A4GALT: variants seen among roughly 807,000 people sequenced by gnomAD.
A4GALT encodes alpha 1,4-galactosyltransferase (P1PK blood group).
For missense variants in A4GALT, 512 were observed against 486.0 expected, an observed-to-expected ratio of 1.05 and a Z score of -0.50; for synonymous variants, 257 against 220.7, an observed-to-expected ratio of 1.16 and a Z score of -1.46.
At chr22:42,701,789 G>A (rs532924943) in intron 1 of A4GALT, among the ~76,000 whole-genome samples, 2 of 152,228 alleles carry the variant, frequency 1.3e-5, no homozygotes, top group Admixed American at 1.3e-4. Context: ...GCTTCCCATG[G>A]GGTCACTAGG....
At position 42,702,999 on chromosome 22, in the gene A4GALT, G is replaced by A. The variant is rs993589987; in HGVS notation, c.-187-7368C>T. 7.0e-5 allele frequency among the ~76,000 whole-genome samples: 8 copies of A among 114,922 alleles called. 2 individuals carry two copies. Among genetic ancestry groups the A allele is most frequent in the African/African-American group, 1.2e-4 (2 of 16,230 alleles). 75.4% of individuals were successfully genotyped at this position (114,922 alleles called of 152,430 possible). ...GCCGGGGTACATCACAGTGTGGTCC[G>A]CTGGCCGCAGCACCTCTGCCCTCCA... On this transcript the variant is annotated intron_variant, in intron 1 of 2. Transcript: ENST00000642412.
intron 1 of A4GALT, among the ~76,000 whole-genome samples, chr22:42,715,407 T>A (rs1922082395): frequency 6.6e-6 from 1 of 152,100 alleles, no homozygotes; most frequent in Non-Finnish European, 1.5e-5. Context: ...TTCCTAGAAG[T>A]GAGCCCTCTG....
At chr22:42,711,389 A>G (rs981094175) in intron 1 of A4GALT, among the ~76,000 whole-genome samples, 10 of 152,202 alleles carry the variant, frequency 6.6e-5, no homozygotes, top group African/African-American at 2.4e-4. Flanking sequence ...ATTTAACAAC[A>G]TCTATCTCAC....
chr22:42,716,566 A>T (rs1922195426), intron 1 of A4GALT, among the ~76,000 whole-genome samples: 1 of 152,188 alleles, frequency 6.6e-6, no homozygotes. Context: ...CCTGCTGGGC[A>T]GCGGCAGAGC....
At chr22:42,716,773 G>A (rs1439169734) in intron 1 of A4GALT, among the ~76,000 whole-genome samples, 4 of 152,154 alleles carry the variant, frequency 2.6e-5, no homozygotes, top group African/African-American at 7.2e-5. Context: ...GTAAGGTCAG[G>A]TAACAGTGTC....
intron 1 of A4GALT, among the ~76,000 whole-genome samples, chr22:42,711,709 C>G (rs1162720218): frequency 6.6e-6 from 1 of 152,110 alleles, no homozygotes; most frequent in Non-Finnish European, 1.5e-5. Context: ...TCTTGGCTCA[C>G]TACAACCTCC....
chr22:42,708,620 G>A (rs528907269), intron 1 of A4GALT, among the ~76,000 whole-genome samples: 11 of 140,412 alleles, frequency 7.8e-5, no homozygotes, highest in Non-Finnish European at 1.3e-4. Context: ...AGAAATAAGC[G>A]GTAGAACTAA....
intron 1 of A4GALT, among the ~76,000 whole-genome samples, chr22:42,696,210 C>T (rs550103937): frequency 3.3e-5 from 5 of 149,754 alleles, no homozygotes; most frequent in East Asian, 2.0e-4. Flanking sequence ...CACTTGAGGT[C>T]GGGAATTCGA....
chr22:42,699,147 G>A (rs962519936), intron 1 of A4GALT, among the ~76,000 whole-genome samples: 6 of 151,558 alleles, frequency 4.0e-5, no homozygotes, highest in Non-Finnish European at 5.9e-5. Flanking sequence ...GTAATGGCCC[G>A]ATCTCGGTTC....
At chr22:42,697,321 G>T (rs1931006631) in intron 1 of A4GALT, among the ~76,000 whole-genome samples, 1 of 152,114 alleles carries the variant, frequency 6.6e-6, no homozygotes, top group South Asian at 2.1e-4. Context: ...GAGCTCCCTG[G>T]GATGCGGGTA....
chr22:42,699,016 A>G (rs1601993920), intron 1 of A4GALT, among the ~76,000 whole-genome samples: 1 of 152,312 alleles, frequency 6.6e-6, no homozygotes, highest in Admixed American at 6.5e-5. Flanking sequence ...CATATCATCA[A>G]GAAATAACCA....
At chr22:42,708,556 A>AGGAAGGAAGGAG (rs1921372155) in intron 1 of A4GALT, among the ~76,000 whole-genome samples, 2 of 150,204 alleles carry the variant, frequency 1.3e-5, no homozygotes, top group Admixed American at 1.3e-4. Context: ...GAAGGAAGGA[A>AGGAAGGAAGGAG]GGAAGGAAGG....
chr22:42,709,363 T>G, intron 1 of A4GALT, among the ~76,000 whole-genome samples: 2 of 140,876 alleles, frequency 1.4e-5, no homozygotes, highest in African/African-American at 2.5e-5. Flanking sequence ...AAAAAAAAAT[T>G]TAAGTAAAGC....
intron 2 of A4GALT, chr22:42,694,856 A>G (rs944128996): frequency 3.3e-5 from 5 of 152,216 alleles, no homozygotes; most frequent in Non-Finnish European, 7.3e-5. Flanking sequence ...CTGGCTGTCC[A>G]TCCTGTCCAT....
chr22:42,693,894 C>T lies in A4GALT; in HGVS notation c.58G>A (p.Val20Ile). 1.9e-6 allele frequency: 3 copies of T among 1,609,466 alleles called. No individual in the cohort carries two copies. Among genetic ancestry groups the T allele is most frequent in the Non-Finnish European group, 2.5e-6 (3 of 1,178,588 alleles). The change falls in exon 3 of 3, where the codon GTC (valine) becomes ATC (isoleucine). Residue 20 changes from valine (V) to isoleucine (I), a missense_variant. Physicochemically the swap from Val to Ile is conservative, Grantham distance 29. Transcript: ENST00000642412. Reference sequence around the variant, plus strand: ...AAGCCGATGATGAACAGGGTGCAGACCCGCTGCCTTGGGGCGCCCCGGAGC... The same window carrying T: ...AAGCCGATGATGAACAGGGTGCAGATCCGCTGCCTTGGGGCGCCCCGGAGC... Reference protein sequence around the residue: ...RLLRGAPRQRVCTLFIIGFKF... With the variant: ...RLLRGAPRQRICTLFIIGFKF...
chr22:42,711,680 C>A lies in A4GALT; in HGVS notation c.-188+9117G>T, dbSNP rs28992185. Among the ~76,000 whole-genome samples the A allele has an allele frequency of 2.7e-3, 413 of 152,204 alleles. 1 individual carries two copies. The highest frequency in any genetic ancestry group is 4.2e-3 in the Non-Finnish European group (289 of 68,012). ...CCCGAGTCTCGCTCTGTTGCCCAGG[C>A]TGCAGTGCAGTGGCATGATCTTGGC... is the stretch of plus-strand genomic sequence containing the variant. On this transcript the variant is annotated intron_variant, in intron 1 of 2. Transcript: ENST00000642412.
chr22:42,693,178 G>A lies in A4GALT; in HGVS notation c.774C>T (p.Phe258=), dbSNP rs751576133. 5.0e-6 allele frequency: 8 copies of A among 1,597,126 alleles called. No homozygotes were observed. In the African/African-American group the frequency reaches 1.1e-4, roughly 21 times the overall value. The change falls in exon 3 of 3, where the codon TTC becomes TTT. Residue 258 remains phenylalanine, a synonymous_variant. Coordinates refer to ENST00000642412, the MANE Select transcript of A4GALT (RefSeq NM_017436.7). The stretch of plus-strand genomic sequence containing the variant: ...GGCTGCGGATGGAACACCACTTCTT[G>A]AAGACCCGCGTGAGCAGCTGCGGGC... ...HQGPQLLTRV[F]KKWCSIRSLA... is the part of the protein sequence containing the mutation.
intron 1 of A4GALT, among the ~76,000 whole-genome samples, chr22:42,712,586 C>T (rs1004773276): frequency 1.3e-5 from 2 of 152,212 alleles, no homozygotes; most frequent in South Asian, 4.1e-4. Context: ...TTCACTTTCA[C>T]CTGTTTTACT....
chr22:42,714,367 C>T (rs1022256036), intron 1 of A4GALT, among the ~76,000 whole-genome samples: 1 of 144,708 alleles, frequency 6.9e-6, no homozygotes, highest in African/African-American at 2.5e-5. Context: ...GCGGGAGCAT[C>T]ACTTGAGCCC....
Sources: gnomAD v4.1 joint callset for allele counts (sites outside exome capture counted in the v4.1 genomes callset) on GRCh38, gnomAD v4.1.1 for gene constraint, MANE v1.5 for transcripts, NCBI Gene and HGNC (gene_info 2026-07-23, HGNC 2026-07-21) for gene names.